Variants in POLR3G observed in about 807,000 individuals in gnomAD.
The protein encoded by POLR3G is DNA-directed RNA polymerase III subunit RPC7.
A neutral mutation model predicts 30.1 loss-of-function variants in POLR3G; 28 were observed. The ratio of observed to expected loss-of-function variants is 0.93; its 90% CI spans 0.69 to 1.27. The LOEUF is 1.27. POLR3G is among the 50% of genes most tolerant of loss of function. The pLI is 0.00. For synonymous variants in POLR3G, 79 were observed against 82.5 expected (o/e 0.96, Z 0.23); for missense variants, 254 against 264.6 (o/e 0.96, Z 0.28).
In POLR3G at chr5:90,485,672, C is replaced by G; in HGVS notation, c.105C>G (p.Pro35=). 3.7e-6 allele frequency: 6 copies of G among 1,608,896 alleles called. No individual in the cohort carries two copies. The highest frequency in any genetic ancestry group is 5.1e-6 in the Non-Finnish European group (6 of 1,176,124). The part of the protein sequence containing the change: ...EKLPDVVLKP[P]PLFPDTDYKP... ...TACCTGATGTAGTGTTGAAACCACC[C>G]CCACTATTTCCTGTAAGTATATGAA... The change falls in exon 2 of 8, where the codon CCC becomes CCG. Residue 35 remains proline (P), a synonymous_variant. Coordinates refer to ENST00000651687, the MANE Select transcript of POLR3G (RefSeq NM_006467.3).
At chr5:90,494,479 A>G (rs1751886366) in intron 3 of POLR3G, among the ~76,000 whole-genome samples, 1 of 152,342 alleles carries the variant, frequency 6.6e-6, no homozygotes, top group Non-Finnish European at 1.5e-5. Context: ...ACAGTTTTCT[A>G]AAGTGGCCAC....
intron 4 of POLR3G, among the ~76,000 whole-genome samples, chr5:90,496,894 A>G (rs1015509857): frequency 6.6e-6 from 1 of 152,192 alleles, no homozygotes; most frequent in Non-Finnish European, 1.5e-5. Flanking sequence ...TTCTCTACAT[A>G]TTCCGTCATG....
At chr5:90,482,869 A>C (rs569118803) in intron 1 of POLR3G, among the ~76,000 whole-genome samples, 1 of 152,126 alleles carries the variant, frequency 6.6e-6, no homozygotes, top group African/African-American at 2.4e-5. Context: ...GGCTGGGCGC[A>C]GTGGCTCACA....
intron 1 of POLR3G, among the ~76,000 whole-genome samples, chr5:90,483,891 C>G (rs1282195695): frequency 6.6e-6 from 1 of 152,144 alleles, no homozygotes; most frequent in Non-Finnish European, 1.5e-5. Context: ...AGTTATCTTA[C>G]CTTTAAGGCA....
At chr5:90,509,438 G>C (rs1459177829) in intron 7 of POLR3G, among the ~76,000 whole-genome samples, 2 of 152,170 alleles carry the variant, frequency 1.3e-5, no homozygotes. Context: ...ATAAGATACA[G>C]TTCTTCTCTC....
chr5:90,503,914 G>A (rs1464280302), intron 6 of POLR3G, among the ~76,000 whole-genome samples: 1 of 152,084 alleles, frequency 6.6e-6, no homozygotes, highest in African/African-American at 2.4e-5. Flanking sequence ...GTCCATAATT[G>A]AACACTGTTT....
At chr5:90,490,842 T>C (rs2151906225) in intron 3 of POLR3G, 1 of 161,434 alleles carries the variant, frequency 6.2e-6, no homozygotes, top group East Asian at 1.8e-4. Flanking sequence ...TACATAAATT[T>C]ATATAATATC....
At chr5:90,504,129 C>T (rs996779862) in intron 6 of POLR3G, among the ~76,000 whole-genome samples, 1 of 151,432 alleles carries the variant, frequency 6.6e-6, no homozygotes, top group African/African-American at 2.4e-5. Flanking sequence ...CTACTTTTAA[C>T]CTATTTTATG....
intron 2 of POLR3G, among the ~76,000 whole-genome samples, chr5:90,487,139 T>C (rs894403439): frequency 6.6e-6 from 1 of 152,168 alleles, no homozygotes; most frequent in Admixed American, 6.5e-5. Flanking sequence ...TTGCCATTTA[T>C]TCACTTCTCA....
chr5:90,474,687 G>A, upstream of POLR3G: 1 of 269,384 alleles, frequency 3.7e-6, no homozygotes. Context: ...GTGAGGGTGG[G>A]AAGAGCTAGA....
rs766777628 is a variant in POLR3G, at chr5:90,506,623, TGAC to T, written c.537_539del (p.Asp181del). 5 of 1,613,686 alleles carry T rather than the reference TGAC, an allele frequency of 3.1e-6. No individual in the cohort carries two copies. Among genetic ancestry groups the T allele is most frequent in the Non-Finnish European group, 4.2e-6 (5 of 1,179,816 alleles). On this transcript the variant is annotated inframe_deletion, in exon 7 of 8. Transcript: ENST00000651687. ...AAAGTAAAGAAGGTGATGATGACGA[TGAC>T]GATGATGCCGCAGAACAGGAGGAAT...
At chr5:90,479,880 G>A (rs1751037868) in intron 1 of POLR3G, among the ~76,000 whole-genome samples, 1 of 152,126 alleles carries the variant, frequency 6.6e-6, no homozygotes, top group South Asian at 2.1e-4. Flanking sequence ...AAGATGAGGA[G>A]AGTAGCAGAA....
At chr5:90,484,545 G>A (rs1171581281) in intron 1 of POLR3G, among the ~76,000 whole-genome samples, 1 of 152,138 alleles carries the variant, frequency 6.6e-6, no homozygotes, top group Non-Finnish European at 1.5e-5. Flanking sequence ...GACTAAGAAG[G>A]GTAACATTAA....
intron 1 of POLR3G, among the ~76,000 whole-genome samples, chr5:90,481,109 A>G (rs764808268): frequency 6.6e-6 from 1 of 152,210 alleles, no homozygotes; most frequent in Non-Finnish European, 1.5e-5. Context: ...TAAAATTTGT[A>G]TACCACCATT....
At chr5:90,495,611 G>A in intron 3 of POLR3G, 66 bp from the exon 4 acceptor site, 1 of 1,560,760 alleles carries the variant, frequency 6.4e-7, no homozygotes, top group Non-Finnish European at 8.7e-7. Flanking sequence ...TAATCTTAAA[G>A]GAATGGCTTA....
At chr5:90,499,236 T>C (rs936544138) in intron 5 of POLR3G, among the ~76,000 whole-genome samples, 1 of 152,072 alleles carries the variant, frequency 6.6e-6, no homozygotes, top group African/African-American at 2.4e-5. Context: ...AGCCTAACCC[T>C]GAGCTTACAG....
intron 3 of POLR3G, among the ~76,000 whole-genome samples, chr5:90,492,104 G>T (rs182518426): frequency 6.6e-6 from 1 of 152,284 alleles, no homozygotes; most frequent in East Asian, 1.9e-4. Context: ...CAAATGCAAA[G>T]AGATAGATAG....
chr5:90,499,262 A>G (rs1752128737), intron 5 of POLR3G, among the ~76,000 whole-genome samples: 1 of 152,086 alleles, frequency 6.6e-6, no homozygotes, highest in African/African-American at 2.4e-5. Context: ...CCAACATTTA[A>G]TGGGCTGGTA....
chr5:90,495,602 A>G, intron 3 of POLR3G, 75 bp from the exon 4 acceptor site: 2 of 1,542,458 alleles, frequency 1.3e-6, no homozygotes, highest in South Asian at 2.5e-5. Flanking sequence ...TGTTTTCAAT[A>G]ATCTTAAAGG....
Sources: gnomAD v4.1 joint callset for allele counts (sites outside exome capture counted in the v4.1 genomes callset) on GRCh38, gnomAD v4.1.1 for gene constraint, MANE v1.5 for transcripts, NCBI Gene and HGNC (gene_info 2026-07-23, HGNC 2026-07-21) for gene names.